Variants in MED27 observed in about 807,000 individuals in gnomAD.
The protein encoded by MED27 is mediator of RNA polymerase II transcription subunit 27.
Under a neutral mutation model 38.2 loss-of-function variants are expected in MED27, and 30 were observed. That is an observed-to-expected ratio of 0.79 (90% CI 0.59 to 1.07). The LOEUF (loss-of-function observed/expected upper bound fraction) is 1.07. Ranked by LOEUF, MED27 falls within the 50% of genes least tolerant of loss-of-function variation. The pLI, the probability that MED27 is intolerant of heterozygous loss-of-function variation, is 0.00. For missense variants in MED27, 289 were observed against 397.5 expected (o/e 0.73, Z 2.32); for synonymous variants, 122 against 153.5 (o/e 0.79, Z 1.52).
intron 2 of MED27, among the ~76,000 whole-genome samples, chr9:132,029,874 G>A (rs907965986): frequency 1.3e-5 from 2 of 151,986 alleles, no homozygotes; most frequent in Non-Finnish European, 2.9e-5. Context: ...GTGTGTGTGG[G>A]GGCGGGGGAG....
intron 4 of MED27, among the ~76,000 whole-genome samples, chr9:131,911,465 C>G (rs1830186535): frequency 6.6e-6 from 1 of 152,172 alleles, no homozygotes; most frequent in Non-Finnish European, 1.5e-5. Context: ...TCACTGGTTC[C>G]AAGAGAGACC....
chr9:132,017,221 A>G (rs1360487282), intron 2 of MED27, among the ~76,000 whole-genome samples: 1 of 152,188 alleles, frequency 6.6e-6, no homozygotes, highest in Non-Finnish European at 1.5e-5. Flanking sequence ...TTTAAGCACC[A>G]AAACTCCATT....
chr9:131,872,190 A>G lies in MED27; in HGVS notation c.724-9050T>C, dbSNP rs1224058693. ...GGCTCCCTGAGATGATTTTGGGTGC[A>G]GGTTCAAGGGCCGCTGCGGGCCACT... On this transcript the variant is annotated intron_variant, in intron 6 of 7. Coordinates refer to ENST00000292035, the MANE Select transcript of MED27 (RefSeq NM_004269.4). This position sits in a 1 kb window ranked among gnomAD's most constrained non-coding sequence, Gnocchi z 5.6. Among the ~76,000 whole-genome samples, 4 of 152,210 alleles carry G rather than the reference A, an allele frequency of 2.6e-5. No homozygotes were observed. The highest frequency in any genetic ancestry group is 2.0e-4 in the Admixed American group (3 of 15,288).
intron 3 of MED27, among the ~76,000 whole-genome samples, chr9:132,001,305 G>GTA (rs971212880): frequency 2.6e-5 from 4 of 151,960 alleles, no homozygotes; most frequent in Non-Finnish European, 4.4e-5. Flanking sequence ...AGTTTCAGAG[G>GTA]TATATACATG....
At chr9:131,895,424 G>C (rs941831010) in intron 4 of MED27, among the ~76,000 whole-genome samples, 3 of 152,058 alleles carry the variant, frequency 2.0e-5, no homozygotes, top group Non-Finnish European at 4.4e-5. Flanking sequence ...CAGTTTCTGG[G>C]GATGCCACCT....
At chr9:131,945,406 T>C (rs1471259846) in intron 3 of MED27, among the ~76,000 whole-genome samples, 3 of 152,138 alleles carry the variant, frequency 2.0e-5, no homozygotes, top group Non-Finnish European at 4.4e-5. Flanking sequence ...GCACATACAC[T>C]GCCTCACATA....
rs377736358 is a variant in MED27, at chr9:131,862,569, T to C, written c.801+494A>G. On this transcript the variant is annotated intron_variant, in intron 7 of 7. Coordinates refer to ENST00000292035, the MANE Select transcript of MED27 (RefSeq NM_004269.4). This position sits in a 1 kb window ranked among gnomAD's most constrained non-coding sequence, Gnocchi z 4.6. ...AAGTTTGATTTCAAACTAGTAGTGG[T>C]TGAAGAACCAGCTCGCAAGATACTG... Among the ~76,000 whole-genome samples, 2 of 152,260 alleles carry C rather than the reference T, an allele frequency of 1.3e-5. No individual in the cohort carries two copies. The highest frequency in any genetic ancestry group is 1.9e-4 in the East Asian group (1 of 5,182).
intron 3 of MED27, among the ~76,000 whole-genome samples, chr9:131,966,187 A>G (rs1831337572): frequency 8.1e-6 from 1 of 123,702 alleles, no homozygotes; most frequent in Non-Finnish European, 1.7e-5. Context: ...ACACAGTGAG[A>G]GCCTGTTTCT....
intron 2 of MED27, among the ~76,000 whole-genome samples, chr9:132,060,899 A>C (rs967081557): frequency 8.5e-5 from 13 of 152,194 alleles, no homozygotes; most frequent in Non-Finnish European, 1.5e-4. Flanking sequence ...CAGTGAGTGG[A>C]GATCACACCA....
At chr9:132,058,223 C>T (rs1468633535) in intron 2 of MED27, among the ~76,000 whole-genome samples, 4 of 152,210 alleles carry the variant, frequency 2.6e-5, no homozygotes, top group African/African-American at 9.7e-5. Context: ...TGGTCTCCCT[C>T]TTCCTACCTC....
At chr9:131,901,040 AAG>A (rs981010063) in intron 4 of MED27, among the ~76,000 whole-genome samples, 17 of 130,800 alleles carry the variant, frequency 1.3e-4, no homozygotes, top group African/African-American at 4.3e-4. Flanking sequence ...GAGAGAAAGA[AAG>A]AGGGGGAGAG....
intron 3 of MED27, among the ~76,000 whole-genome samples, chr9:132,008,798 CACT>C (rs1832420949): frequency 6.6e-6 from 1 of 152,244 alleles, no homozygotes; most frequent in Non-Finnish European, 1.5e-5. Flanking sequence ...CCCATCACTG[CACT>C]AATACGCACA....
chr9:132,038,483 C>T (rs890933282), intron 2 of MED27, among the ~76,000 whole-genome samples: 4 of 152,158 alleles, frequency 2.6e-5, no homozygotes, highest in African/African-American at 4.8e-5. Context: ...TGAGCCACCG[C>T]GCCCGGCCGC....
At chr9:132,043,000 G>A (rs767951770) in intron 2 of MED27, among the ~76,000 whole-genome samples, 2 of 152,162 alleles carry the variant, frequency 1.3e-5, no homozygotes, top group Non-Finnish European at 2.9e-5. Flanking sequence ...GACAAGGTAA[G>A]TTTTCTAGTA....
chr9:131,873,278 C>T (rs1447155973), intron 6 of MED27, among the ~76,000 whole-genome samples: 4 of 152,074 alleles, frequency 2.6e-5, no homozygotes, highest in African/African-American at 7.3e-5. Context: ...TGTGCTGGTT[C>T]GATGAAGAAT....
intron 4 of MED27, among the ~76,000 whole-genome samples, chr9:131,938,903 T>C (rs1830731601): frequency 6.6e-6 from 1 of 152,062 alleles, no homozygotes; most frequent in East Asian, 1.9e-4. Flanking sequence ...TTAGTAGAGA[T>C]GGGGTTTCAC....
intron 4 of MED27, among the ~76,000 whole-genome samples, chr9:131,899,488 G>A (rs907873119): frequency 6.6e-6 from 1 of 152,192 alleles, no homozygotes; most frequent in African/African-American, 2.4e-5. Context: ...CCACTTGCAG[G>A]CAGTGTGACC....
chr9:132,079,561 G>T, intron 1 of MED27, 81 bp downstream of exon 1: 2 of 1,326,850 alleles, frequency 1.5e-6, no homozygotes, highest in Admixed American at 3.6e-5. Context: ...AACAGCCCCT[G>T]CCTGGGAAGA....
chr9:131,866,451 C>T (rs77143365), intron 6 of MED27, among the ~76,000 whole-genome samples: 5 of 152,170 alleles, frequency 3.3e-5, no homozygotes, highest in South Asian at 2.1e-4. Flanking sequence ...CCTGCCCTGT[C>T]GCCTCTCTTC....
Sources: gnomAD v4.1 joint callset for allele counts (sites outside exome capture counted in the v4.1 genomes callset) on GRCh38, gnomAD v4.1.1 for gene constraint, Gnocchi (gnomAD v3.1) non-coding constraint, MANE v1.5 for transcripts, NCBI Gene and HGNC (gene_info 2026-07-23, HGNC 2026-07-21) for gene names.